Variants in CCNYL1 observed in about 807,000 individuals in gnomAD.
The protein encoded by CCNYL1 is cyclin Y like 1.
In CCNYL1, 16 loss-of-function variants were observed where a neutral mutation model predicts 44.2. The observed-to-expected ratio is 0.36, with a 90% confidence interval of 0.25 to 0.55. The LOEUF is 0.55. Ranked by LOEUF, CCNYL1 falls within the 20% of genes least tolerant of loss-of-function variation. CCNYL1 has a pLI of 0.85. For synonymous variants in CCNYL1, 159 were observed against 163.2 expected (o/e 0.97, Z 0.20); for missense variants, 348 against 451.8 (o/e 0.77, Z 2.08).
chr2:207,722,073 A>AT (rs397987558), intron 1 of CCNYL1, among the ~76,000 whole-genome samples: 42,044 of 119,384 alleles, frequency 0.35, 7,404 homozygotes, highest in Middle Eastern at 0.52. Flanking sequence ...GTTGCCTTGG[A>AT]TTTTTTTTTT....
intron 8 of CCNYL1, among the ~76,000 whole-genome samples, chr2:207,749,798 A>C (rs2091878831): frequency 2.6e-5 from 4 of 152,230 alleles, no homozygotes; most frequent in Admixed American, 2.6e-4. Flanking sequence ...TCAGCAAATG[A>C]GAAAACCACA....
At chr2:207,737,488 C>T in intron 5 of CCNYL1, 42 bp downstream of exon 5, 1 of 1,515,738 alleles carries the variant, frequency 6.6e-7, no homozygotes, top group Non-Finnish European at 9.1e-7. Flanking sequence ...CAGCTAATTA[C>T]TTTGCATGAT....
At chr2:207,737,870 A>G (rs1267446876) in intron 5 of CCNYL1, among the ~76,000 whole-genome samples, 1 of 152,224 alleles carries the variant, frequency 6.6e-6, no homozygotes, top group Non-Finnish European at 1.5e-5. Context: ...GTTAACATAA[A>G]TAATATTTTT....
At chr2:207,719,008 A>G (rs1397431135) in intron 1 of CCNYL1, among the ~76,000 whole-genome samples, 1 of 151,872 alleles carries the variant, frequency 6.6e-6, no homozygotes, top group Non-Finnish European at 1.5e-5. Flanking sequence ...ACTGCTATGG[A>G]GTGATACCCA....
chr2:207,723,051 C>T (rs543569904), intron 1 of CCNYL1, among the ~76,000 whole-genome samples: 1 of 151,838 alleles, frequency 6.6e-6, no homozygotes, highest in Non-Finnish European at 1.5e-5. Flanking sequence ...TTCCAAATAG[C>T]TTAAAATTGT....
Position 207,753,815 on chromosome 2 carries a change from C to G in CCNYL1, c.*117C>G. On this transcript the variant is annotated 3_prime_UTR_variant, in exon 10 of 10. Transcript: ENST00000295414. ...GTGTTTTCATCAAAAGGAAAGATCT[C>G]AAATTCAAGAGACTCATGGACAACA... 1.6e-6 allele frequency: 1 copy of G among 631,670 alleles called. No individual in the cohort carries two copies. Among genetic ancestry groups the G allele is most frequent in the Non-Finnish European group, 2.8e-6 (1 of 359,980 alleles). The allele number at this position is 631,670 out of a possible 1,614,324, so 39.1% of individuals were successfully genotyped here. A position where few individuals can be genotyped will look rare whatever the true frequency, so the allele number is the denominator to read the frequency against.
intron 1 of CCNYL1, among the ~76,000 whole-genome samples, chr2:207,721,874 T>G (rs1322095485): frequency 6.6e-6 from 1 of 151,870 alleles, no homozygotes; most frequent in Non-Finnish European, 1.5e-5. Flanking sequence ...AGCTCCTGGC[T>G]GGCTAGCAGT....
chr2:207,721,727 G>GT (rs1286633610), intron 1 of CCNYL1, among the ~76,000 whole-genome samples: 1 of 142,408 alleles, frequency 7.0e-6, no homozygotes. Context: ...ATTCTTAGGA[G>GT]TTTTTTGTTT....
intron 3 of CCNYL1, among the ~76,000 whole-genome samples, chr2:207,732,168 A>G (rs2091733819): frequency 2.6e-5 from 4 of 152,156 alleles, no homozygotes; most frequent in African/African-American, 9.7e-5. Context: ...TTTATACTGT[A>G]TGTGTTTCTT....
chr2:207,726,464 C>T (rs1413765963), intron 2 of CCNYL1, among the ~76,000 whole-genome samples: 1 of 152,080 alleles, frequency 6.6e-6, no homozygotes, highest in Non-Finnish European at 1.5e-5. Context: ...GGTGTTAGAT[C>T]TTGGTAATTA....
At chr2:207,718,251 A>G (rs146230736) in intron 1 of CCNYL1, among the ~76,000 whole-genome samples, 260 of 152,260 alleles carry the variant, frequency 1.7e-3, no homozygotes, top group African/African-American at 6.1e-3. Context: ...GCTCATGCCT[A>G]TAATCCCAGC....
intron 7 of CCNYL1, 123 bp from the exon 8 acceptor site, chr2:207,746,924 G>A (rs557036768): frequency 9.8e-6 from 7 of 711,964 alleles, no homozygotes; most frequent in African/African-American, 3.6e-5. Flanking sequence ...TCTGTGAGCC[G>A]AGATCGCACC....
intron 8 of CCNYL1, chr2:207,750,633 A>G: frequency 4.7e-6 from 1 of 214,542 alleles, no homozygotes; most frequent in Non-Finnish European, 9.2e-6. Flanking sequence ...TCTGATCACT[A>G]TAGTGGGGCC....
chr2:207,735,899 CA>C (rs2091761492), intron 4 of CCNYL1, among the ~76,000 whole-genome samples: 1 of 151,696 alleles, frequency 6.6e-6, no homozygotes, highest in African/African-American at 2.4e-5. Context: ...AAAAAGACAA[CA>C]AAAAACACTC....
intron 1 of CCNYL1, among the ~76,000 whole-genome samples, chr2:207,717,189 A>G (rs1440503637): frequency 2.0e-5 from 3 of 152,004 alleles, no homozygotes; most frequent in Admixed American, 6.6e-5. Context: ...TCATCATTTA[A>G]TATTTTTTGT....
At chr2:207,746,788 C>T (rs1014904611) in intron 7 of CCNYL1, among the ~76,000 whole-genome samples, 6 of 152,078 alleles carry the variant, frequency 3.9e-5, no homozygotes, top group African/African-American at 1.4e-4. Context: ...CCAACCTGAC[C>T]AAAATGGAGA....
Position 207,724,877 on chromosome 2 carries a change from A to G in CCNYL1, c.295+3A>G. The G allele has an allele frequency of 6.2e-7, 1 of 1,607,400 alleles. No homozygotes were observed. Among genetic ancestry groups the G allele is most frequent in the Non-Finnish European group, 8.5e-7 (1 of 1,176,046 alleles). On this transcript the variant is annotated splice_donor_region_variant and intron_variant, in intron 2 of 9. Transcript: ENST00000295414. ...CCTGAGCAAATCTCAAACGGATGGT[A>G]AGACAATACTGTTTTTTCCTTCCAA...
At chr2:207,717,041 A>G (rs1192350851) in intron 1 of CCNYL1, among the ~76,000 whole-genome samples, 1 of 151,370 alleles carries the variant, frequency 6.6e-6, no homozygotes, top group South Asian at 2.1e-4. Context: ...CCCAGGAGGC[A>G]GAGATTGCAG....
At position 207,711,974 on chromosome 2, in the gene CCNYL1, G is replaced by T. The variant is rs1218922867; in HGVS notation, c.78G>T (p.Leu26=). 4 of 1,449,352 alleles carry T rather than the reference G, an allele frequency of 2.8e-6. No individual in the cohort carries two copies. In the East Asian group the frequency reaches 1.1e-4, roughly 41 times the overall value. The allele number at this position is 1,449,352 out of a possible 1,614,324, so 89.8% of individuals were successfully genotyped here. Residue 26 remains leucine (L), a synonymous_variant, in exon 1 of 10, where the codon CTG becomes CTT. Transcript: ENST00000295414. ...KLGRRAGSAE[L]YCASDIYEAV... is the part of the protein sequence containing the mutation. Reference sequence around the variant, plus strand: ...GCCGGCGCGCGGGGTCGGCGGAGCTGTACTGCGCGTCCGACATCTACGAGG... The same window carrying T: ...GCCGGCGCGCGGGGTCGGCGGAGCTTTACTGCGCGTCCGACATCTACGAGG...
Sources: allele counts gnomAD v4.1 joint callset (sites outside exome capture counted in the v4.1 genomes callset), GRCh38; gene constraint gnomAD v4.1.1; transcripts MANE v1.5; gene names NCBI Gene and HGNC (gene_info 2026-07-23, HGNC 2026-07-21).